The following DCC variants were observed in gnomAD, a reference collection of about 807,000 sequenced individuals.
DCC encodes the protein DCC netrin 1 receptor, also known as netrin receptor DCC.
Under a neutral mutation model 172.5 loss-of-function variants are expected in DCC, and 58 were observed. The observed-to-expected ratio is 0.34, with a 90% CI of 0.27 to 0.42. DCC has a LOEUF of 0.42. Among genes scored for constraint, DCC ranks in the 10% least tolerant of loss-of-function variants. The probability of loss-of-function intolerance (pLI) is 1.00; values close to 1 mark genes in which losing one functional copy is unlikely to be tolerated. For synonymous variants in DCC, 709 were observed against 644.5 expected, an observed-to-expected ratio of 1.10 and a Z score of -1.52; for missense variants, 1,740 against 1,791.0, an observed-to-expected ratio of 0.97 and a Z score of 0.51.
intron 8 of DCC, among the ~76,000 whole-genome samples, chr18:53,174,391 G>T (rs953248954): frequency 1.3e-4 from 19 of 151,496 alleles, no homozygotes; most frequent in African/African-American, 3.9e-4. Flanking sequence ...CCAGGAGCTG[G>T]TTTTTTGAAA....
At chr18:52,723,085 C>G (rs1331856676) in intron 1 of DCC, among the ~76,000 whole-genome samples, 2 of 152,178 alleles carry the variant, frequency 1.3e-5, no homozygotes, top group Non-Finnish European at 2.9e-5. Flanking sequence ...ATTCTGGTAG[C>G]TAATCCTATT....
intron 1 of DCC, among the ~76,000 whole-genome samples, chr18:52,476,934 G>A (rs1486227362): frequency 6.6e-6 from 1 of 152,136 alleles, no homozygotes; most frequent in Non-Finnish European, 1.5e-5. Context: ...TTGTATGCAA[G>A]TCAAACACAA....
intron 12 of DCC, among the ~76,000 whole-genome samples, chr18:53,237,710 T>A (rs2144629859): frequency 6.6e-6 from 1 of 152,346 alleles, no homozygotes; most frequent in South Asian, 2.1e-4. Flanking sequence ...AGTGAGTTCT[T>A]GTGAAAGAAA....
intron 1 of DCC, among the ~76,000 whole-genome samples, chr18:52,594,879 C>T (rs1279102650): frequency 6.6e-6 from 1 of 152,164 alleles, no homozygotes. Context: ...CACCTTCCAC[C>T]AGGCCCACCT....
At chr18:53,143,529 C>G (rs1016419276) in intron 7 of DCC, among the ~76,000 whole-genome samples, 8 of 152,288 alleles carry the variant, frequency 5.3e-5, no homozygotes, top group South Asian at 2.1e-4. Context: ...GAAGTCACCT[C>G]TGGTTCATCT....
intron 23 of DCC, among the ~76,000 whole-genome samples, chr18:53,454,343 C>G (rs1286737161): frequency 6.6e-6 from 1 of 151,972 alleles, no homozygotes; most frequent in Non-Finnish European, 1.5e-5. Flanking sequence ...AGGCCTGTCT[C>G]AAAAGAGAAA....
chr18:52,616,710 A>C (rs2034388764), intron 1 of DCC, among the ~76,000 whole-genome samples: 1 of 152,202 alleles, frequency 6.6e-6, no homozygotes, highest in South Asian at 2.1e-4. Context: ...GTTCCCATGC[A>C]ATTCAAAATA....
intron 2 of DCC, among the ~76,000 whole-genome samples, chr18:52,867,124 C>T (rs890599791): frequency 6.6e-6 from 1 of 152,146 alleles, no homozygotes; most frequent in Non-Finnish European, 1.5e-5. Context: ...TTTTCAGCAT[C>T]TATTGAGATA....
chr18:53,042,451 T>C (rs1453991978), intron 5 of DCC, among the ~76,000 whole-genome samples: 1 of 152,008 alleles, frequency 6.6e-6, no homozygotes. Context: ...GTCAGGCATA[T>C]TGGCCTGAAA....
At chr18:53,234,622 C>T (rs2056175096) in intron 12 of DCC, among the ~76,000 whole-genome samples, 1 of 151,964 alleles carries the variant, frequency 6.6e-6, no homozygotes, top group Non-Finnish European at 1.5e-5. Context: ...ATAAAATCAC[C>T]CAAGCCCCTC....
At chr18:53,324,821 T>G (rs553572332) in intron 14 of DCC, among the ~76,000 whole-genome samples, 1 of 152,314 alleles carries the variant, frequency 6.6e-6, no homozygotes, top group Non-Finnish European at 1.5e-5. Flanking sequence ...GATTTATGTT[T>G]TATCCTTTCA....
chr18:52,966,965 C>T (rs555829215), intron 5 of DCC, among the ~76,000 whole-genome samples: 2 of 152,290 alleles, frequency 1.3e-5, no homozygotes, highest in South Asian at 2.1e-4. Flanking sequence ...GTCTTTGGAG[C>T]CCCTGTGCTC....
chr18:52,598,392 G>A (rs1480369006), intron 1 of DCC, among the ~76,000 whole-genome samples: 1 of 152,188 alleles, frequency 6.6e-6, no homozygotes, highest in Non-Finnish European at 1.5e-5. Context: ...AAGGAATGAG[G>A]TAGGTGGGTA....
At chr18:52,884,480 G>C (rs1032598682) in intron 2 of DCC, among the ~76,000 whole-genome samples, 2 of 151,764 alleles carry the variant, frequency 1.3e-5, no homozygotes, top group Admixed American at 1.3e-4. Context: ...GCTATTAAGG[G>C]ACTCTGATGC....
At chr18:53,180,081 A>G (rs927842083) in intron 9 of DCC, among the ~76,000 whole-genome samples, 2 of 152,180 alleles carry the variant, frequency 1.3e-5, no homozygotes, top group African/African-American at 4.8e-5. Context: ...AGAGATTGGA[A>G]ATATTTTAAC....
At chr18:52,487,807 C>G (rs1347326534) in intron 1 of DCC, among the ~76,000 whole-genome samples, 1 of 69,104 alleles carries the variant, frequency 1.4e-5, no homozygotes, top group Non-Finnish European at 2.8e-5. Flanking sequence ...TGAGACTCCA[C>G]CTCAAAAAAA....
At chr18:52,525,774 G>A (rs1416914985) in intron 1 of DCC, among the ~76,000 whole-genome samples, 4 of 152,186 alleles carry the variant, frequency 2.6e-5, no homozygotes, top group Non-Finnish European at 4.4e-5. Flanking sequence ...TAAGAATGAT[G>A]ACAATAAGGA....
At chr18:52,598,316 T>C (rs1390269336) in intron 1 of DCC, among the ~76,000 whole-genome samples, 3 of 152,190 alleles carry the variant, frequency 2.0e-5, no homozygotes, top group African/African-American at 7.2e-5. Context: ...AGGGGTTACA[T>C]ATTTTTCATT....
intron 2 of DCC, among the ~76,000 whole-genome samples, chr18:52,854,403 T>C (rs563862102): frequency 3.2e-4 from 49 of 152,310 alleles, no homozygotes; most frequent in African/African-American, 1.1e-3. Context: ...GAGGAATTAA[T>C]ATTTCTCAGG....
Sources: gnomAD v4.1 joint callset for allele counts (sites outside exome capture counted in the v4.1 genomes callset) on GRCh38, gnomAD v4.1.1 for gene constraint, MANE v1.5 for transcripts, NCBI Gene and HGNC (gene_info 2026-07-23, HGNC 2026-07-21) for gene names.